GRIN2A: variants seen among roughly 807,000 people sequenced by gnomAD.
The protein encoded by GRIN2A is glutamate ionotropic receptor NMDA type subunit 2A.
Under a neutral mutation model 113.4 loss-of-function variants are expected in GRIN2A, and 22 were observed. That is an observed-to-expected ratio of 0.19 (90% CI 0.14 to 0.28). The LOEUF is 0.28. Ranked by LOEUF, GRIN2A falls within the 10% of genes least tolerant of loss-of-function variation. The probability of loss-of-function intolerance (pLI) is 1.00; values close to 1 mark genes in which losing one functional copy is unlikely to be tolerated. For missense variants in GRIN2A, 1,502 were observed against 1,887.0 expected, an observed-to-expected ratio of 0.80 and a Z score of 3.78; for synonymous variants, 827 against 738.4, an observed-to-expected ratio of 1.12 and a Z score of -1.94.
chr16:9,755,100 C>T lies in GRIN2A; in HGVS notation c.*8049G>A, dbSNP rs1900300624. 2 of 198,478 alleles carry T rather than the reference C, an allele frequency of 1.0e-5. No individual in the cohort carries two copies. Among genetic ancestry groups the T allele is most frequent in the East Asian group, 1.6e-4 (2 of 12,782 alleles). 12.3% of individuals were successfully genotyped at this position (198,478 alleles called of 1,614,324 possible). On this transcript the variant is annotated 3_prime_UTR_variant, in exon 13 of 13. Coordinates refer to ENST00000330684, the MANE Select transcript of GRIN2A (RefSeq NM_001134407.3). ...GCTAATGAAGAATGTTCTAGGATTG[C>T]AAAAATGCAAACTCATTGTTTCACT...
At chr16:9,874,213 A>G (rs1188813807) in intron 4 of GRIN2A, among the ~76,000 whole-genome samples, 1 of 152,230 alleles carries the variant, frequency 6.6e-6, no homozygotes, top group African/African-American at 2.4e-5. Context: ...AGACTCCAGG[A>G]ATATGATTTC....
rs1200750351 is a variant in GRIN2A, at chr16:10,020,735, G to A, written c.415-82184C>T. Among the ~76,000 whole-genome samples the A allele has an allele frequency of 2.6e-5, 4 of 152,118 alleles. No individual in the cohort carries two copies. The East Asian group carries it at 5.8e-4, about 22-fold the overall frequency. ...CAAGATAAAAGTAAGTACATATAAA[G>A]CACCAAGCATAGTGCTTGGCCCATG... On this transcript the variant is annotated intron_variant, in intron 2 of 12. Coordinates refer to ENST00000330684, the MANE Select transcript of GRIN2A (RefSeq NM_001134407.3).
intron 2 of GRIN2A, among the ~76,000 whole-genome samples, chr16:10,021,613 C>T (rs1001964238): frequency 6.6e-6 from 1 of 152,140 alleles, no homozygotes; most frequent in Non-Finnish European, 1.5e-5. Flanking sequence ...GAAGCAAGCC[C>T]TTTCTCAGGA....
intron 3 of GRIN2A, among the ~76,000 whole-genome samples, chr16:9,902,185 C>T (rs1345175851): frequency 2.0e-5 from 3 of 152,194 alleles, no homozygotes; most frequent in Non-Finnish European, 2.9e-5. Context: ...ATAAAGCTTA[C>T]ATTTCTAGCT....
intron 4 of GRIN2A, among the ~76,000 whole-genome samples, chr16:9,884,207 G>A (rs1041303646): frequency 6.6e-6 from 1 of 152,160 alleles, no homozygotes; most frequent in African/African-American, 2.4e-5. Flanking sequence ...AAGCTAGCCT[G>A]TATGTGTATA....
intron 4 of GRIN2A, among the ~76,000 whole-genome samples, chr16:9,866,276 G>A (rs1272938509): frequency 6.6e-6 from 1 of 152,222 alleles, no homozygotes; most frequent in East Asian, 1.9e-4. Flanking sequence ...AATCATGAAG[G>A]AGTGCAATGG....
intron 3 of GRIN2A, among the ~76,000 whole-genome samples, chr16:9,894,070 G>A (rs971927080): frequency 4.6e-5 from 7 of 152,128 alleles, no homozygotes; most frequent in Non-Finnish European, 5.9e-5. Flanking sequence ...ATCTGGGGAG[G>A]GCTTCCCAGG....
At chr16:10,120,384 T>C (rs7195897) in intron 2 of GRIN2A, among the ~76,000 whole-genome samples, 8 of 152,206 alleles carry the variant, frequency 5.3e-5, no homozygotes, top group Admixed American at 4.6e-4. Context: ...CAAGGTTAAA[T>C]CTTGATATTA....
intron 2 of GRIN2A, among the ~76,000 whole-genome samples, chr16:10,117,281 G>C (rs926203341): frequency 6.6e-6 from 1 of 152,094 alleles, no homozygotes; most frequent in Admixed American, 6.5e-5. Flanking sequence ...AAAATACCAA[G>C]TCTTTTCCCC....
chr16:9,896,289 T>A (rs559662496), intron 3 of GRIN2A, among the ~76,000 whole-genome samples: 24 of 152,318 alleles, frequency 1.6e-4, no homozygotes, highest in African/African-American at 5.1e-4. Context: ...CATCAAATGA[T>A]CCACCTGCCT....
intron 10 of GRIN2A, among the ~76,000 whole-genome samples, chr16:9,815,203 A>AC (rs1032357074): frequency 2.0e-5 from 3 of 152,124 alleles, no homozygotes; most frequent in Non-Finnish European, 4.4e-5. Flanking sequence ...GTCACTGAGG[A>AC]CAACTCAAGC....
At chr16:10,070,440 G>C (rs1490128944) in intron 2 of GRIN2A, among the ~76,000 whole-genome samples, 1 of 152,196 alleles carries the variant, frequency 6.6e-6, no homozygotes, top group Non-Finnish European at 1.5e-5. Flanking sequence ...GCGTGTTAAA[G>C]TTTGAGAATC....
chr16:9,993,637 C>T (rs1287373389), intron 2 of GRIN2A, among the ~76,000 whole-genome samples: 1 of 152,294 alleles, frequency 6.6e-6, no homozygotes, highest in South Asian at 2.1e-4. Flanking sequence ...TAAATCTCTC[C>T]TGTGCAATGG....
intron 11 of GRIN2A, among the ~76,000 whole-genome samples, chr16:9,782,199 CT>C (rs1393511724): frequency 1.3e-5 from 2 of 152,032 alleles, no homozygotes; most frequent in Admixed American, 6.6e-5. Flanking sequence ...CATATACAGA[CT>C]TTTTTTTCTT....
At chr16:9,882,610 G>T (rs2079802268) in intron 4 of GRIN2A, among the ~76,000 whole-genome samples, 1 of 152,082 alleles carries the variant, frequency 6.6e-6, no homozygotes, top group South Asian at 2.1e-4. Context: ...AGCATATCGA[G>T]AACTTGTGTC....
chr16:9,838,304 C>A (rs906950456), intron 7 of GRIN2A, among the ~76,000 whole-genome samples: 4 of 151,986 alleles, frequency 2.6e-5, no homozygotes, highest in African/African-American at 9.7e-5. Flanking sequence ...GGGTATCTAC[C>A]CAAAGGAAAA....
intron 8 of GRIN2A, among the ~76,000 whole-genome samples, chr16:9,831,510 TTTTC>T (rs1234708809): frequency 1.4e-4 from 19 of 131,396 alleles, no homozygotes; most frequent in Admixed American, 1.0e-3. Context: ...TTTTTTTTTC[TTTTC>T]TTTTTCTTTT....
At chr16:10,176,131 G>A (rs950854171) in intron 2 of GRIN2A, among the ~76,000 whole-genome samples, 2 of 150,814 alleles carry the variant, frequency 1.3e-5, no homozygotes, top group African/African-American at 4.9e-5. Flanking sequence ...TCAGCCTCCT[G>A]AGTAGCTGGG....
intron 2 of GRIN2A, among the ~76,000 whole-genome samples, chr16:9,940,528 C>A (rs1264011948): frequency 6.6e-6 from 1 of 152,106 alleles, no homozygotes; most frequent in Non-Finnish European, 1.5e-5. Context: ...TTGTTTTCAT[C>A]TTTATGTCCC....
Sources: gnomAD v4.1 joint callset for allele counts (sites outside exome capture counted in the v4.1 genomes callset) on GRCh38, gnomAD v4.1.1 for gene constraint, MANE v1.5 for transcripts, NCBI Gene and HGNC (gene_info 2026-07-23, HGNC 2026-07-21) for gene names.